The following ZNF385D variants were observed in gnomAD, a reference collection of about 807,000 sequenced individuals.
ZNF385D encodes zinc finger protein 385D.
A neutral mutation model predicts 35.8 loss-of-function variants in ZNF385D; 15 were observed. The ratio of observed to expected loss-of-function variants is 0.42; its 90% CI spans 0.28 to 0.64. ZNF385D has a LOEUF of 0.64. Ranked by LOEUF, ZNF385D falls within the 30% of genes least tolerant of loss-of-function variation. The pLI, the probability that ZNF385D is intolerant of heterozygous loss-of-function variation, is 0.23. For missense variants in ZNF385D, 474 were observed against 494.6 expected, an observed-to-expected ratio of 0.96 and a Z score of 0.39; for synonymous variants, 212 against 186.8, an observed-to-expected ratio of 1.13 and a Z score of -1.10.
chr3:21,906,541 A>C (rs1699692314), intron 3 of ZNF385D, among the ~76,000 whole-genome samples: 1 of 152,124 alleles, frequency 6.6e-6, no homozygotes, highest in South Asian at 2.1e-4. Flanking sequence ...GCTTCCTTTC[A>C]TCACTTAATG....
chr3:21,868,311 T>G (rs1330512102), intron 3 of ZNF385D, among the ~76,000 whole-genome samples: 3 of 152,076 alleles, frequency 2.0e-5, no homozygotes, highest in Non-Finnish European at 4.4e-5. Context: ...CAGGAAAAAT[T>G]TTGCCTATGG....
At chr3:22,089,147 T>C (rs552540843) in intron 3 of ZNF385D, among the ~76,000 whole-genome samples, 1 of 152,190 alleles carries the variant, frequency 6.6e-6, no homozygotes, top group Non-Finnish European at 1.5e-5. Context: ...ATTTACAATG[T>C]TCAAAGAGAA....
chr3:21,925,058 G>T (rs555296084), intron 3 of ZNF385D, among the ~76,000 whole-genome samples: 1 of 152,180 alleles, frequency 6.6e-6, no homozygotes, highest in Non-Finnish European at 1.5e-5. Flanking sequence ...GAAGAACACA[G>T]TAAGGATGCC....
At chr3:22,148,163 C>G (rs1203526207) in intron 3 of ZNF385D, among the ~76,000 whole-genome samples, 1 of 152,084 alleles carries the variant, frequency 6.6e-6, no homozygotes, top group African/African-American at 2.4e-5. Flanking sequence ...GGAAACTCAA[C>G]CAGAATTAGA....
At chr3:21,533,713 A>G (rs898706957) in intron 3 of ZNF385D, among the ~76,000 whole-genome samples, 2 of 152,126 alleles carry the variant, frequency 1.3e-5, no homozygotes, top group African/African-American at 4.8e-5. Flanking sequence ...ACAAAGTAAA[A>G]TCATAAATTG....
At chr3:21,443,795 A>T (rs1701986551) in intron 4 of ZNF385D, among the ~76,000 whole-genome samples, 1 of 151,962 alleles carries the variant, frequency 6.6e-6, no homozygotes, top group Admixed American at 6.5e-5. Context: ...TATTTGAACT[A>T]AATTTCCCAA....
At chr3:21,665,589 C>T (rs529377399) in intron 1 of ZNF385D, among the ~76,000 whole-genome samples, 2 of 152,268 alleles carry the variant, frequency 1.3e-5, no homozygotes, top group East Asian at 1.9e-4. Context: ...ACCAGTGCTA[C>T]GACGATGTCT....
At chr3:21,753,159 A>T (rs561247370), upstream of ZNF385D, among the ~76,000 whole-genome samples, 1 of 152,332 alleles carries the variant, frequency 6.6e-6, no homozygotes, top group Admixed American at 6.5e-5. Flanking sequence ...ACAAATTGAG[A>T]TATAGAAAGG....
At chr3:22,034,336 G>T (rs1698188007) in intron 3 of ZNF385D, among the ~76,000 whole-genome samples, 1 of 152,070 alleles carries the variant, frequency 6.6e-6, no homozygotes, top group Admixed American at 6.6e-5. Context: ...CTGGAAAATG[G>T]CCCTCATGAG....
At chr3:22,129,983 G>A (rs528786518) in intron 3 of ZNF385D, among the ~76,000 whole-genome samples, 1 of 152,226 alleles carries the variant, frequency 6.6e-6, no homozygotes, top group East Asian at 1.9e-4. Context: ...CTGCTGCCTG[G>A]CTACTGCTGA....
Position 21,573,630 on chromosome 3 carries a change from A to G in ZNF385D, c.166-8946T>C, listed in dbSNP as rs142241172. 9.4e-4 allele frequency among the ~76,000 whole-genome samples: 143 copies of G among 152,358 alleles called. No homozygotes were observed. The East Asian group carries it at 0.022, about 23-fold the overall frequency. ...ACAAAAGTTATAAGAAACTCATTAA[A>G]TATTTATAAGCAGGGAAAGAAACAA... On this transcript the variant is annotated intron_variant, in intron 2 of 7. Transcript: ENST00000281523.
At chr3:21,942,821 T>C (rs1369925165) in intron 3 of ZNF385D, among the ~76,000 whole-genome samples, 1 of 152,152 alleles carries the variant, frequency 6.6e-6, no homozygotes, top group Admixed American at 6.5e-5. Context: ...GTTTAAGACA[T>C]CCCTAATCAC....
At chr3:21,848,657 G>T (rs1184695938) in intron 3 of ZNF385D, among the ~76,000 whole-genome samples, 1 of 151,832 alleles carries the variant, frequency 6.6e-6, no homozygotes, top group East Asian at 1.9e-4. Context: ...AAATTCCTAG[G>T]AACTTACAAC....
At chr3:22,302,455 T>C (rs1211077679) in intron 2 of ZNF385D, among the ~76,000 whole-genome samples, 1 of 151,954 alleles carries the variant, frequency 6.6e-6, no homozygotes, top group Non-Finnish European at 1.5e-5. Context: ...CTGTTCCTAC[T>C]CACTGATCTG....
In ZNF385D at chr3:22,258,476, G is replaced by C. The variant is rs77497272; in HGVS notation, c.107-89441C>G. ...TACTCTGTATAATATCATGAAAATT[G>C]CTTGGGTTTTAGAACCAAATCATCA... On this transcript the variant is annotated intron_variant, in intron 2 of 5. Transcript: ENST00000494108. 2.7e-3 allele frequency among the ~76,000 whole-genome samples: 407 copies of C among 151,756 alleles called. 6 individuals are homozygous for C. Among genetic ancestry groups the C allele is most frequent in the African/African-American group, 9.0e-3 (372 of 41,500 alleles).
intron 3 of ZNF385D, among the ~76,000 whole-genome samples, chr3:22,105,332 A>G (rs553055570): frequency 2.6e-5 from 4 of 151,858 alleles, no homozygotes; most frequent in African/African-American, 9.7e-5. Context: ...GATCAGTTGT[A>G]TTAGTCAGGA....
intron 2 of ZNF385D, among the ~76,000 whole-genome samples, chr3:21,656,202 C>T (rs995618276): frequency 6.6e-6 from 1 of 151,970 alleles, no homozygotes; most frequent in Non-Finnish European, 1.5e-5. Flanking sequence ...AGGAACATTG[C>T]AGAAGAAATT....
chr3:22,283,131 T>C (rs1200445036), intron 2 of ZNF385D, among the ~76,000 whole-genome samples: 1 of 151,952 alleles, frequency 6.6e-6, no homozygotes, highest in Non-Finnish European at 1.5e-5. Flanking sequence ...AATAGTAAAA[T>C]ATCACAATCC....
intron 1 of ZNF385D, among the ~76,000 whole-genome samples, chr3:21,712,968 A>T (rs1447339179): frequency 6.6e-6 from 1 of 152,168 alleles, no homozygotes; most frequent in Admixed American, 6.5e-5. Context: ...ACTATTTCCA[A>T]CTTGCCAGTG....
Sources: gnomAD v4.1 joint callset for allele counts (sites outside exome capture counted in the v4.1 genomes callset) on GRCh38, gnomAD v4.1.1 for gene constraint, MANE v1.5 for transcripts, NCBI Gene and HGNC (gene_info 2026-07-23, HGNC 2026-07-21) for gene names.